WDR44: variants seen among roughly 807,000 people sequenced by gnomAD.
WDR44 encodes WD repeat-containing protein 44.
Under a neutral mutation model 65.7 loss-of-function variants are expected in WDR44, and 9 were observed. The observed-to-expected ratio is 0.14, with a 90% CI of 0.08 to 0.24. WDR44 has a LOEUF of 0.24. WDR44 is among the 10% of genes least tolerant of loss of function. The pLI is 1.00. For synonymous variants in WDR44, 220 were observed against 235.2 expected (o/e 0.94, Z 0.59); for missense variants, 425 against 670.9 (o/e 0.63, Z 4.05).
Position 118,442,229 on chromosome X carries a change from A to T in WDR44, c.2167-15A>T, listed in dbSNP as rs1408005654. ...CTCCTAATTCTAATATGTTAAATGT[A>T]TGGTTTATTTTTAGCATTTGAAATA... On this transcript the variant is annotated splice_polypyrimidine_tract_variant and intron_variant, in intron 15 of 19. Transcript: ENST00000254029. 8.5e-7 allele frequency: 1 copy of T among 1,171,121 alleles called. No individual in the cohort carries two copies. Among genetic ancestry groups the T allele is most frequent in the Non-Finnish European group, 1.2e-6 (1 of 859,790 alleles).
intron 17 of WDR44, among the ~76,000 whole-genome samples, chrX:118,442,996 C>T (rs1384473429): frequency 9.0e-6 from 1 of 110,982 alleles, no homozygotes; most frequent in Non-Finnish European, 1.9e-5. Flanking sequence ...TAAGAGGGGG[C>T]TTACGGCTCA....
At chrX:118,381,088 A>T (rs1452478739) in intron 2 of WDR44, among the ~76,000 whole-genome samples, 2 of 112,242 alleles carry the variant, frequency 1.8e-5, no homozygotes, top group Non-Finnish European at 3.8e-5. Context: ...TGATTTTATC[A>T]TAATACTATG....
intron 1 of WDR44, among the ~76,000 whole-genome samples, chrX:118,355,506 T>A (rs1018710273): frequency 2.7e-5 from 3 of 111,836 alleles, no homozygotes; most frequent in Non-Finnish European, 5.6e-5. Context: ...GCAAGTAGAT[T>A]TGTCTGTATT....
chrX:118,373,138 A>G (rs1232635287), intron 1 of WDR44, among the ~76,000 whole-genome samples: 3 of 111,218 alleles, frequency 2.7e-5, no homozygotes, highest in Non-Finnish European at 5.7e-5. Flanking sequence ...GTGACCACTT[A>G]AAGTGAGGAA....
At chrX:118,373,795 T>G (rs1334728976) in intron 1 of WDR44, among the ~76,000 whole-genome samples, 1 of 111,304 alleles carries the variant, frequency 9.0e-6, no homozygotes, top group Non-Finnish European at 1.9e-5. Flanking sequence ...CTCAAGCCAG[T>G]TTTTTGTTAT....
chrX:118,429,700 TTTTG>T (rs776924751), intron 12 of WDR44, among the ~76,000 whole-genome samples: 39 of 112,008 alleles, frequency 3.5e-4, no homozygotes, highest in Non-Finnish European at 4.5e-4. Flanking sequence ...TGTTTTTGTT[TTTTG>T]TTTGTTTGTT....
intron 10 of WDR44, among the ~76,000 whole-genome samples, chrX:118,407,340 A>T (rs1296261879): frequency 9.0e-6 from 1 of 110,793 alleles, no homozygotes; most frequent in Non-Finnish European, 1.9e-5. Context: ...GTCTCTACGA[A>T]AAATATAAAA....
rs778883979 is a variant in WDR44, at chrX:118,425,039, G to A, written c.1738-7742G>A. On this transcript the variant is annotated intron_variant, in intron 12 of 19. Transcript: ENST00000254029. ...AGTTGTTGTTCGAGCAAAGTACAAAGGAGGTAAGGAAATGATCATATGATA... is the reference window on the plus strand; with the variant it reads ...AGTTGTTGTTCGAGCAAAGTACAAAAGAGGTAAGGAAATGATCATATGATA... 4.5e-5 allele frequency among the ~76,000 whole-genome samples: 5 copies of A among 111,374 alleles called. No individual in the cohort carries two copies. The South Asian group carries it at 1.9e-3, about 42-fold the overall frequency.
intron 12 of WDR44, among the ~76,000 whole-genome samples, chrX:118,432,124 A>G (rs901884755): frequency 9.0e-6 from 1 of 111,574 alleles, no homozygotes; most frequent in Non-Finnish European, 1.9e-5. Context: ...TGAGGAAGCA[A>G]CTCTGGAGGT....
In WDR44 at chrX:118,368,459, CTA is replaced by C. The variant is rs757542334; in HGVS notation, c.78-9939_78-9938del. On this transcript the variant is annotated intron_variant, in intron 1 of 19. Coordinates refer to ENST00000254029, the MANE Select transcript of WDR44 (RefSeq NM_019045.5). ...CCACATACATGTTTTGAAATAGTGA[CTA>C]TATATATATATATATATATACTTCT... Among the ~76,000 whole-genome samples, 118 of 72,626 alleles carry C rather than the reference CTA, an allele frequency of 1.6e-3. 5 individuals carry two copies. Among genetic ancestry groups the C allele is most frequent in the Admixed American group, 2.5e-3 (14 of 5,665 alleles). 63.1% of individuals were successfully genotyped at this position (72,626 alleles called of 115,157 possible). A position where few individuals can be genotyped will look rare whatever the true frequency, so the allele number is the denominator to read the frequency against.
intron 12 of WDR44, 78 bp downstream of exon 12, chrX:118,411,037 GA>G: frequency 2.4e-6 from 2 of 828,575 alleles, no homozygotes; most frequent in Non-Finnish European, 3.4e-6. Flanking sequence ...TTGTGTATCA[GA>G]AATTACAGTT....
intron 1 of WDR44, among the ~76,000 whole-genome samples, chrX:118,373,149 G>C (rs905918371): frequency 2.7e-5 from 3 of 110,880 alleles, no homozygotes; most frequent in African/African-American, 9.8e-5. Context: ...AAGTGAGGAA[G>C]GAAATATAAA....
At chrX:118,410,782 A>G (rs1405861408) in intron 11 of WDR44, 113 bp from the exon 12 acceptor site, 6 of 601,848 alleles carry the variant, frequency 1.0e-5, no homozygotes, top group Non-Finnish European at 1.6e-5. Context: ...TTTCTAGAAT[A>G]CTGTATTCTC....
Position 118,444,506 on chromosome X carries a change from C to A in WDR44, c.2647+12C>A. ...TGCCACACCTTCTGGTAAATCTTTA[C>A]TTGTCCTATATTTTTTTCTAGTCAG... On this transcript the variant is annotated intron_variant, in intron 19 of 19. Coordinates refer to ENST00000254029, the MANE Select transcript of WDR44 (RefSeq NM_019045.5). 8.3e-7 allele frequency: 1 copy of A among 1,207,441 alleles called. No individual in the cohort carries two copies. The highest frequency in any genetic ancestry group is 1.1e-6 in the Non-Finnish European group (1 of 893,093).
intron 1 of WDR44, among the ~76,000 whole-genome samples, chrX:118,367,904 C>T (rs1205634870): frequency 1.8e-5 from 2 of 111,482 alleles, no homozygotes; most frequent in African/African-American, 3.3e-5. Flanking sequence ...ATTTCTTTAA[C>T]ACTAGGTGAC....
At chrX:118,365,507 CAAAAAAA>C (rs200718518) in intron 1 of WDR44, among the ~76,000 whole-genome samples, 9 of 97,356 alleles carry the variant, frequency 9.2e-5, no homozygotes, top group African/African-American at 1.5e-4. Context: ...ACCCTGTCTC[CAAAAAAA>C]AAAGAAAAAA....
At chrX:118,412,409 G>T (rs1290900377) in intron 12 of WDR44, among the ~76,000 whole-genome samples, 1 of 111,678 alleles carries the variant, frequency 9.0e-6, no homozygotes, top group Non-Finnish European at 1.9e-5. Flanking sequence ...TTTTGTTTTA[G>T]AAAGAGTATT....
At chrX:118,373,936 TTTA>T (rs2147681478) in intron 1 of WDR44, among the ~76,000 whole-genome samples, 1 of 111,609 alleles carries the variant, frequency 9.0e-6, no homozygotes, top group African/African-American at 3.3e-5. Flanking sequence ...TTTATTTTAT[TTTA>T]TTTTATTTTT....
chrX:118,370,279 A>G (rs753933243), intron 1 of WDR44, among the ~76,000 whole-genome samples: 1 of 111,638 alleles, frequency 9.0e-6, no homozygotes, highest in East Asian at 2.8e-4. Context: ...GTGCCCTCCA[A>G]TTCTTATGTT....
Sources: allele counts gnomAD v4.1 joint callset (sites outside exome capture counted in the v4.1 genomes callset), GRCh38; gene constraint gnomAD v4.1.1; transcripts MANE v1.5; gene names NCBI Gene and HGNC (gene_info 2026-07-23, HGNC 2026-07-21).